The following RBFOX1 variants were observed in gnomAD, a reference collection of about 807,000 sequenced individuals.
The protein encoded by RBFOX1 is RNA binding fox-1 homolog 1, also known as RNA binding protein fox-1 homolog 1.
Under a neutral mutation model 57.7 loss-of-function variants are expected in RBFOX1, and 8 were observed. The observed-to-expected ratio is 0.14, with a 90% CI of 0.08 to 0.25. The LOEUF (loss-of-function observed/expected upper bound fraction) is 0.25, where lower values mean the gene tolerates loss of function less well. RBFOX1 is among the 10% of genes least tolerant of loss of function. RBFOX1 has a pLI of 1.00. For synonymous variants in RBFOX1, 326 were observed against 222.4 expected (o/e 1.47, Z -4.15); for missense variants, 611 against 548.5 (o/e 1.11, Z -1.14).
intron 1 of RBFOX1, among the ~76,000 whole-genome samples, chr16:6,171,716 G>T (rs1037557568): frequency 6.6e-6 from 1 of 152,180 alleles, no homozygotes; most frequent in African/African-American, 2.4e-5. Context: ...CCATTCTTTG[G>T]AATAGCAGAA....
At chr16:7,567,242 CATATATCCCTATATAT>C (rs1216104456) in intron 5 of RBFOX1, among the ~76,000 whole-genome samples, 4 of 70,932 alleles carry the variant, frequency 5.6e-5, no homozygotes, top group East Asian at 4.4e-4. Context: ...TATATATATC[CATATATCCCTATATAT>C]ATATATCCCT....
At chr16:7,412,466 C>A (rs939619420) in intron 4 of RBFOX1, among the ~76,000 whole-genome samples, 2 of 150,626 alleles carry the variant, frequency 1.3e-5, no homozygotes, top group Non-Finnish European at 2.9e-5. Context: ...CATGGAAATT[C>A]TCTGTACAAA....
At chr16:6,617,160 G>A (rs1196154499) in intron 2 of RBFOX1, among the ~76,000 whole-genome samples, 2 of 151,922 alleles carry the variant, frequency 1.3e-5, no homozygotes, top group Admixed American at 1.3e-4. Context: ...CTCCATCCCT[G>A]ACTATAAGCA....
At chr16:6,553,001 C>A (rs1268242515) in intron 2 of RBFOX1, among the ~76,000 whole-genome samples, 1 of 152,134 alleles carries the variant, frequency 6.6e-6, no homozygotes, top group African/African-American at 2.4e-5. Flanking sequence ...CTGCCCCCTG[C>A]AAGTTCTCTG....
intron 1 of RBFOX1, among the ~76,000 whole-genome samples, chr16:6,046,540 C>T (rs1172246553): frequency 1.3e-5 from 2 of 152,022 alleles, no homozygotes; most frequent in Non-Finnish European, 2.9e-5. Context: ...AGGGGCTATT[C>T]CTATATTCAT....
chr16:7,558,462 A>C (rs8053807), intron 5 of RBFOX1, among the ~76,000 whole-genome samples: 11 of 152,156 alleles, frequency 7.2e-5, no homozygotes, highest in African/African-American at 2.4e-4. Context: ...GAATATATAC[A>C]TGTATAGTAC....
At chr16:6,355,817 G>A (rs898781195) in intron 2 of RBFOX1, among the ~76,000 whole-genome samples, 4 of 152,074 alleles carry the variant, frequency 2.6e-5, no homozygotes, top group African/African-American at 4.8e-5. Context: ...ACTTTTTAAT[G>A]TTCGCCCTTC....
intron 3 of RBFOX1, among the ~76,000 whole-genome samples, chr16:6,712,544 C>G (rs1057225778): frequency 6.6e-6 from 1 of 152,170 alleles, no homozygotes. Flanking sequence ...AGGGCATCAT[C>G]TTCTGAAACT....
At chr16:6,099,486 A>G (rs1210188200) in intron 1 of RBFOX1, among the ~76,000 whole-genome samples, 1 of 152,226 alleles carries the variant, frequency 6.6e-6, no homozygotes, top group Non-Finnish European at 1.5e-5. Context: ...AATTAAATCC[A>G]TAGAGGCAGA....
rs2098316805 is a variant in RBFOX1, at chr16:6,626,940, A to T, written c.-63-27663A>T. On this transcript the variant is annotated intron_variant, in intron 2 of 15. Transcript: ENST00000550418. ...CAAAGGCCCTTTGAATTGTTATGAT[A>T]GCCTAAATACAAACTATTATTATCC... is the stretch of plus-strand genomic sequence containing the variant. 2.0e-5 allele frequency among the ~76,000 whole-genome samples: 3 copies of T among 152,220 alleles called. No homozygotes were observed. In the South Asian group the frequency reaches 6.2e-4, roughly 32 times the overall value.
chr16:7,163,810 C>A (rs1187432859), intron 4 of RBFOX1, among the ~76,000 whole-genome samples: 1 of 152,070 alleles, frequency 6.6e-6, no homozygotes, highest in East Asian at 1.9e-4. Flanking sequence ...GCGCATGCCA[C>A]CACACCCAGC....
intron 2 of RBFOX1, among the ~76,000 whole-genome samples, chr16:5,558,681 A>C (rs917199190): frequency 6.6e-6 from 1 of 152,104 alleles, no homozygotes; most frequent in African/African-American, 2.4e-5. Context: ...CCATCGTCTC[A>C]GTCTTGTGTG....
chr16:5,704,392 G>A (rs1744307283), intron 3 of RBFOX1, among the ~76,000 whole-genome samples: 1 of 152,074 alleles, frequency 6.6e-6, no homozygotes, highest in South Asian at 2.1e-4. Context: ...GGGGTCTGGG[G>A]GTCGCCACAA....
intron 2 of RBFOX1, among the ~76,000 whole-genome samples, chr16:5,491,797 AGTT>A (rs1372515249): frequency 3.3e-5 from 5 of 152,220 alleles, no homozygotes; most frequent in Non-Finnish European, 4.4e-5. Context: ...CTTTTAATTC[AGTT>A]GTTCTCAAGC....
chr16:5,930,131 A>C (rs573428121), intron 4 of RBFOX1, among the ~76,000 whole-genome samples: 13 of 151,684 alleles, frequency 8.6e-5, no homozygotes, highest in Admixed American at 3.3e-4. Context: ...GGGTGCCTCC[A>C]GGGGCATCTG....
intron 3 of RBFOX1, among the ~76,000 whole-genome samples, chr16:6,970,398 T>C (rs2085272521): frequency 1.3e-5 from 2 of 152,186 alleles, no homozygotes; most frequent in African/African-American, 4.8e-5. Context: ...CCCTTAATGT[T>C]TCACTGACTT....
rs1347757863 is a variant in RBFOX1 at position 7,357,399 on chromosome 16, CAG to C, written c.28-160743_28-160742del. The stretch of plus-strand genomic sequence containing the variant: ...AATCAGAAGCATTGATTAAGCTTAA[CAG>C]AGAGCAGAGTGGTGGTGAGGTGCAT... On this transcript the variant is annotated intron_variant, in intron 4 of 15. Transcript: ENST00000550418. Among the ~76,000 whole-genome samples, 7 of 152,230 alleles carry C rather than the reference CAG, an allele frequency of 4.6e-5. 2 individuals are homozygous for C. The highest frequency in any genetic ancestry group is 1.7e-4 in the African/African-American group (7 of 41,548).
chr16:6,941,537 G>C (rs1597893226), intron 3 of RBFOX1, among the ~76,000 whole-genome samples: 2 of 151,900 alleles, frequency 1.3e-5, no homozygotes, highest in African/African-American at 4.8e-5. Flanking sequence ...GTTTCCTGAA[G>C]GTTCTCACAC....
intron 1 of RBFOX1, among the ~76,000 whole-genome samples, chr16:6,039,347 G>GAAAAA (rs58081772): frequency 8.8e-5 from 12 of 136,304 alleles, no homozygotes; most frequent in African/African-American, 3.0e-4. Flanking sequence ...CTGCTTTCTG[G>GAAAAA]AAAAAAAAAA....
Sources: allele counts gnomAD v4.1 joint callset (sites outside exome capture counted in the v4.1 genomes callset), GRCh38; gene constraint gnomAD v4.1.1; transcripts MANE v1.5; gene names NCBI Gene and HGNC (gene_info 2026-07-23, HGNC 2026-07-21).